The following SCHIP1 variants were observed in gnomAD, a reference collection of about 807,000 sequenced individuals.
SCHIP1 encodes the protein schwannomin-interacting protein 1.
SCHIP1 carries 8 observed loss-of-function variants against 29.7 expected under a neutral mutation model. The observed-to-expected ratio is 0.27, with a 90% CI of 0.16 to 0.49. The LOEUF (loss-of-function observed/expected upper bound fraction) is 0.49. SCHIP1 is among the 20% of genes least tolerant of loss of function. The pLI is 0.99. For synonymous variants in SCHIP1, 76 were observed against 94.9 expected (o/e 0.80, Z 1.16); for missense variants, 193 against 294.6 (o/e 0.66, Z 2.52).
chr3:159,891,076 T>C (rs1458277770), intron 5 of SCHIP1, among the ~76,000 whole-genome samples: 6 of 152,018 alleles, frequency 3.9e-5, no homozygotes, highest in Non-Finnish European at 7.4e-5. Context: ...TCAGGAAGAT[T>C]AGATATATTT....
At chr3:159,711,941 A>G in the SCHIP1 span, among the ~76,000 whole-genome samples, 1 of 149,338 alleles carries the variant, frequency 6.7e-6, no homozygotes, top group East Asian at 2.0e-4. Flanking sequence ...TTAGGAAGAT[A>G]TTGCTGCTGC....
the SCHIP1 span, among the ~76,000 whole-genome samples, chr3:159,395,624 G>T: frequency 6.6e-6 from 1 of 152,300 alleles, no homozygotes; most frequent in East Asian, 1.9e-4. Flanking sequence ...ATGTAGTTGA[G>T]TGGTTTTGAG....
the SCHIP1 span, among the ~76,000 whole-genome samples, chr3:159,556,009 A>G: frequency 4.6e-5 from 7 of 152,224 alleles, no homozygotes; most frequent in Admixed American, 4.6e-4. Context: ...TGGCACGTGT[A>G]TACCTATGTA....
chr3:159,688,206 T>C, the SCHIP1 span, among the ~76,000 whole-genome samples: 3 of 152,270 alleles, frequency 2.0e-5, no homozygotes, highest in Admixed American at 2.0e-4. Flanking sequence ...AACTAACTTA[T>C]ACTCCCACCA....
At chr3:159,678,454 C>T in the SCHIP1 span, among the ~76,000 whole-genome samples, 1 of 152,156 alleles carries the variant, frequency 6.6e-6, no homozygotes, top group Non-Finnish European at 1.5e-5. Context: ...GGGAACAAGA[C>T]AGGTGTTTTT....
At chr3:159,294,159 G>T in the SCHIP1 span, among the ~76,000 whole-genome samples, 1 of 152,156 alleles carries the variant, frequency 6.6e-6, no homozygotes, top group Non-Finnish European at 1.5e-5. Context: ...TGGATCTTTG[G>T]AAACTGCTAT....
chr3:159,395,406 G>C, the SCHIP1 span, among the ~76,000 whole-genome samples: 1 of 151,970 alleles, frequency 6.6e-6, no homozygotes, highest in African/African-American at 2.4e-5. Flanking sequence ...TTTTAATTGT[G>C]ATGTTAGGGT....
At chr3:159,392,501 T>A in the SCHIP1 span, among the ~76,000 whole-genome samples, 1 of 146,916 alleles carries the variant, frequency 6.8e-6, no homozygotes, top group South Asian at 2.2e-4. Context: ...GTGTTCCCCT[T>A]CCTGCGTCCA....
At chr3:159,398,332 G>T in the SCHIP1 span, among the ~76,000 whole-genome samples, 1 of 152,028 alleles carries the variant, frequency 6.6e-6, no homozygotes, top group Non-Finnish European at 1.5e-5. Context: ...GTTCCTATTC[G>T]GCCATCTTGG....
chr3:159,587,597 C>T, the SCHIP1 span, among the ~76,000 whole-genome samples: 6 of 152,218 alleles, frequency 3.9e-5, no homozygotes, highest in African/African-American at 1.4e-4. Context: ...TTAGGTATAT[C>T]TCCTAATGCT....
At chr3:159,688,761 A>G in the SCHIP1 span, among the ~76,000 whole-genome samples, 2 of 152,252 alleles carry the variant, frequency 1.3e-5, no homozygotes, top group Admixed American at 1.3e-4. Context: ...ATCCATCTTG[A>G]GTTGATTTTT....
At chr3:159,744,692 A>G in the SCHIP1 span, among the ~76,000 whole-genome samples, 2 of 152,198 alleles carry the variant, frequency 1.3e-5, no homozygotes, top group Admixed American at 1.3e-4. Context: ...AAAGTGTTCA[A>G]TGGGGCCAGG....
chr3:159,518,022 G>A, the SCHIP1 span, among the ~76,000 whole-genome samples: 2 of 151,908 alleles, frequency 1.3e-5, no homozygotes, highest in African/African-American at 4.8e-5. Flanking sequence ...CAAAAAATAT[G>A]GTCTATTCAT....
the SCHIP1 span, among the ~76,000 whole-genome samples, chr3:159,382,155 T>A: frequency 6.6e-6 from 1 of 151,818 alleles, no homozygotes; most frequent in Non-Finnish European, 1.5e-5. Context: ...ATGTGCACAA[T>A]GTGCAGGTTA....
the SCHIP1 span, among the ~76,000 whole-genome samples, chr3:159,545,106 G>A: frequency 6.6e-6 from 1 of 152,086 alleles, no homozygotes; most frequent in Non-Finnish European, 1.5e-5. Flanking sequence ...GTTTTACATA[G>A]TGCCAGGCAA....
the SCHIP1 span, among the ~76,000 whole-genome samples, chr3:159,391,038 T>G: frequency 6.6e-6 from 1 of 152,160 alleles, no homozygotes; most frequent in Non-Finnish European, 1.5e-5. Context: ...TTTAAATGTC[T>G]CCTTTTCAGT....
At chr3:159,417,585 G>A in the SCHIP1 span, among the ~76,000 whole-genome samples, 1,114 of 152,122 alleles carry the variant, frequency 7.3e-3, 13 homozygotes, top group African/African-American at 0.026. Context: ...GTAAATAGAC[G>A]GATAGTGATA....
At chr3:159,324,443 G>A in the SCHIP1 span, among the ~76,000 whole-genome samples, 2 of 152,072 alleles carry the variant, frequency 1.3e-5, no homozygotes, top group African/African-American at 4.8e-5. Context: ...TCATATCTCA[G>A]TGTAGTTTAA....
chr3:159,320,684 A>T, the SCHIP1 span, among the ~76,000 whole-genome samples: 1 of 151,806 alleles, frequency 6.6e-6, no homozygotes, highest in East Asian at 1.9e-4. Context: ...TGTGAAGTGC[A>T]TTTTTGTTTA....
Sources: gnomAD v4.1 joint callset for allele counts (sites outside exome capture counted in the v4.1 genomes callset) on GRCh38, gnomAD v4.1.1 for gene constraint, MANE v1.5 for transcripts, NCBI Gene and HGNC (gene_info 2026-07-23, HGNC 2026-07-21) for gene names.